FAM227B: variants seen among roughly 807,000 people sequenced by gnomAD.
FAM227B encodes the protein protein FAM227B.
FAM227B carries 88 observed loss-of-function variants against 73.8 expected under a neutral mutation model. The observed-to-expected ratio is 1.19, with a 90% CI of 1.00 to 1.42. The LOEUF is 1.42. Ranked by LOEUF, FAM227B falls within the 40% of genes most tolerant of loss-of-function variation. The probability of loss-of-function intolerance (pLI) is 0.00; values close to 1 mark genes in which losing one functional copy is unlikely to be tolerated. For missense variants in FAM227B, 632 were observed against 590.9 expected, an observed-to-expected ratio of 1.07 and a Z score of -0.72; for synonymous variants, 210 against 190.5, an observed-to-expected ratio of 1.10 and a Z score of -0.84.
chr15:49,380,278 C>G (rs954193472), intron 11 of FAM227B, among the ~76,000 whole-genome samples: 1 of 152,132 alleles, frequency 6.6e-6, no homozygotes, highest in Admixed American at 6.5e-5. Flanking sequence ...TTCAGGGCGG[C>G]GTGCTCCCCT....
At chr15:49,365,342 A>G in intron 13 of FAM227B, 2 of 1,554,440 alleles carry the variant, frequency 1.3e-6, no homozygotes, top group Non-Finnish European at 1.8e-6. Flanking sequence ...TGTAAGTATC[A>G]TGCCAATAGC....
chr15:49,594,221 T>A (rs2076761721), intron 3 of FAM227B, among the ~76,000 whole-genome samples: 1 of 152,196 alleles, frequency 6.6e-6, no homozygotes. Context: ...CATTTGTATA[T>A]CTTCTTTTGA....
chr15:49,600,599 G>T (rs373504552), intron 3 of FAM227B, among the ~76,000 whole-genome samples: 2 of 149,252 alleles, frequency 1.3e-5, no homozygotes, highest in Non-Finnish European at 3.0e-5. Flanking sequence ...AGGTTGCAGT[G>T]AGCTGAGATC....
Position 49,396,142 on chromosome 15 carries a change from C to T in FAM227B, c.1013-24743G>A, listed in dbSNP as rs555179662. 3.2e-3 allele frequency: 1,176 copies of T among 366,754 alleles called. 4 individuals are homozygous for T. Among genetic ancestry groups the T allele is most frequent in the Middle Eastern group, 8.1e-3 (9 of 1,114 alleles). 22.7% of individuals were successfully genotyped at this position (366,754 alleles called of 1,614,324 possible). On this transcript the variant is annotated intron_variant, in intron 11 of 15. Transcript: ENST00000299338. ...GGGCGCAGGTCAGTGGGTGTGCTCA[C>T]CGTGTGCGAGCCGAAGCAGGGCGAG...
intron 15 of FAM227B, chr15:49,329,276 G>A (rs910350995): frequency 2.7e-4 from 263 of 985,428 alleles, no homozygotes; most frequent in Non-Finnish European, 3.0e-4. Context: ...GGCTGGTGAT[G>A]GCAAATGACT....
chr15:49,479,758 C>T (rs529985702), intron 11 of FAM227B, among the ~76,000 whole-genome samples: 1 of 151,986 alleles, frequency 6.6e-6, no homozygotes, highest in South Asian at 2.1e-4. Context: ...GGATTACAGA[C>T]ACCCACCATC....
At chr15:49,498,394 T>C (rs2057813148) in intron 11 of FAM227B, among the ~76,000 whole-genome samples, 1 of 152,200 alleles carries the variant, frequency 6.6e-6, no homozygotes, top group African/African-American at 2.4e-5. Context: ...AGGCAGTTAA[T>C]AGAGCCTTAG....
intron 11 of FAM227B, among the ~76,000 whole-genome samples, chr15:49,376,959 G>T (rs974994466): frequency 6.6e-6 from 1 of 151,832 alleles, no homozygotes; most frequent in Middle Eastern, 3.2e-3. Context: ...TCAAATACTA[G>T]GTCTTATTCA....
chr15:49,575,728 T>G (rs1203587186), intron 7 of FAM227B, among the ~76,000 whole-genome samples: 1 of 152,098 alleles, frequency 6.6e-6, no homozygotes, highest in Admixed American at 6.6e-5. Context: ...TATTTCCCCC[T>G]TTTCCACTGA....
chr15:49,562,752 T>C (rs762354084), intron 9 of FAM227B, among the ~76,000 whole-genome samples: 4 of 152,104 alleles, frequency 2.6e-5, no homozygotes, highest in Non-Finnish European at 5.9e-5. Context: ...TTAAAAAATA[T>C]GATCAACTCA....
chr15:49,564,653 CA>C (rs1211747937), intron 9 of FAM227B, among the ~76,000 whole-genome samples: 1 of 151,938 alleles, frequency 6.6e-6, no homozygotes, highest in Non-Finnish European at 1.5e-5. Context: ...GAATACTATA[CA>C]GCTATAAAAA....
Position 49,328,649 on chromosome 15 carries a change from TTC to T in FAM227B, c.1444_1445del (p.Glu482MetfsTer22), listed in dbSNP as rs762888521. The T allele has an allele frequency of 6.4e-7, 1 of 1,572,852 alleles. No homozygotes were observed. The highest frequency in any genetic ancestry group is 1.3e-5 in the African/African-American group (1 of 74,342). On this transcript the variant is annotated frameshift_variant, in exon 16 of 16. Transcript: ENST00000299338. LOFTEE classifies it low-confidence loss of function (END_TRUNC). ...KLRSEAEIER[E>X]CVASLSSSSS... ...ATGATGACGATAGTGATGCCACACATTCTCTCTCAATTTCAGCTTCGGAACGC... is the reference window on the plus strand; with the variant it reads ...ATGATGACGATAGTGATGCCACACATTCTCTCAATTTCAGCTTCGGAACGC...
At chr15:49,398,234 A>G (rs1285328810) in intron 11 of FAM227B, among the ~76,000 whole-genome samples, 4 of 152,106 alleles carry the variant, frequency 2.6e-5, no homozygotes, top group African/African-American at 9.7e-5. Context: ...ACCAACAAAG[A>G]TCAAGAGAGA....
intron 11 of FAM227B, among the ~76,000 whole-genome samples, chr15:49,491,889 C>T (rs2057140517): frequency 6.6e-6 from 1 of 151,558 alleles, no homozygotes; most frequent in Non-Finnish European, 1.5e-5. Context: ...TTTAAAATTC[C>T]CCATGTAATC....
chr15:49,349,393 T>G (rs2041945151), intron 13 of FAM227B, among the ~76,000 whole-genome samples: 1 of 152,206 alleles, frequency 6.6e-6, no homozygotes, highest in African/African-American at 2.4e-5. Context: ...CATCAAAGTT[T>G]AGAACAGCTT....
intron 8 of FAM227B, among the ~76,000 whole-genome samples, chr15:49,573,068 A>G (rs1367287391): frequency 6.6e-6 from 1 of 150,988 alleles, no homozygotes; most frequent in African/African-American, 2.4e-5. Context: ...TAATGCAGGC[A>G]TTTTAATTCT....
intron 11 of FAM227B, chr15:49,487,857 C>A (rs1282915684): frequency 1.3e-5 from 2 of 151,908 alleles, no homozygotes; most frequent in Non-Finnish European, 2.9e-5. Context: ...ATTGATACAT[C>A]AGAATGACTT....
chr15:49,509,586 CTTTTTT>C (rs139674625), intron 10 of FAM227B, among the ~76,000 whole-genome samples: 8 of 139,848 alleles, frequency 5.7e-5, no homozygotes, highest in African/African-American at 1.3e-4. Flanking sequence ...TTCACTGTTA[CTTTTTT>C]TTTTTTTTTT....
chr15:49,594,966 TTA>T (rs1235926296), intron 3 of FAM227B, among the ~76,000 whole-genome samples: 1 of 152,062 alleles, frequency 6.6e-6, no homozygotes, highest in East Asian at 1.9e-4. Context: ...TGAAGAATGA[TTA>T]TGTTATTTTG....
Sources: gnomAD v4.1 joint callset for allele counts (sites outside exome capture counted in the v4.1 genomes callset) on GRCh38, gnomAD v4.1.1 for gene constraint, MANE v1.5 for transcripts, NCBI Gene and HGNC (gene_info 2026-07-23, HGNC 2026-07-21) for gene names.